Variants in KHDRBS3 observed in about 807,000 individuals in gnomAD.
KHDRBS3 encodes the protein KH domain-containing, RNA-binding, signal transduction-associated protein 3.
A neutral mutation model predicts 45.6 loss-of-function variants in KHDRBS3; 23 were observed. The ratio of observed to expected loss-of-function variants is 0.50; its 90% confidence interval spans 0.36 to 0.72. The LOEUF is 0.72. Among genes scored for constraint, KHDRBS3 ranks in the 30% least tolerant of loss-of-function variants. The probability of loss-of-function intolerance (pLI) is 0.00; values close to 1 mark genes in which losing one functional copy is unlikely to be tolerated. For synonymous variants in KHDRBS3, 162 were observed against 156.5 expected (o/e 1.04, Z -0.26); for missense variants, 352 against 424.8 (o/e 0.83, Z 1.51).
At chr8:135,526,799 T>A (rs1825211141) in intron 2 of KHDRBS3, among the ~76,000 whole-genome samples, 1 of 152,194 alleles carries the variant, frequency 6.6e-6, no homozygotes, top group African/African-American at 2.4e-5. Context: ...CAGGAATCAT[T>A]TAGTGTTCAG....
chr8:135,625,847 A>G, intron 7 of KHDRBS3: 2 of 769,008 alleles, frequency 2.6e-6, no homozygotes, highest in Non-Finnish European at 4.8e-6. Context: ...CCATAAACTG[A>G]CACTAGGCAG....
At chr8:135,541,768 A>C (rs1443723698) in intron 2 of KHDRBS3, 1 of 152,224 alleles carries the variant, frequency 6.6e-6, no homozygotes, top group Non-Finnish European at 1.5e-5. Flanking sequence ...AAGGCTTTTA[A>C]AAATTGTGTG....
intron 5 of KHDRBS3, among the ~76,000 whole-genome samples, chr8:135,579,340 T>C (rs925353045): frequency 6.6e-6 from 1 of 152,156 alleles, no homozygotes; most frequent in African/African-American, 2.4e-5. Flanking sequence ...GTACATGTTC[T>C]TTCTTTTCTT....
intron 6 of KHDRBS3, among the ~76,000 whole-genome samples, chr8:135,586,660 G>A (rs573895937): frequency 6.6e-6 from 1 of 152,238 alleles, no homozygotes; most frequent in African/African-American, 2.4e-5. Flanking sequence ...TCTGAAAAGG[G>A]CTTGTCATTT....
Position 135,534,894 on chromosome 8 carries a change from A to G in KHDRBS3, c.208-7760A>G, listed in dbSNP as rs1825657515. ...CAAGCCTATTCACGCTGAGGCTGCC[A>G]TGGTAAGTGGAAGCTTAAGATACTC... On this transcript the variant is annotated intron_variant, in intron 2 of 8. Transcript: ENST00000355849. Among the ~76,000 whole-genome samples, 5 of 152,186 alleles carry G rather than the reference A, an allele frequency of 3.3e-5. No individual in the cohort carries two copies. The South Asian group carries it at 1.0e-3, about 32-fold the overall frequency.
At chr8:135,495,815 A>T (rs1251561975) in intron 1 of KHDRBS3, among the ~76,000 whole-genome samples, 1 of 152,072 alleles carries the variant, frequency 6.6e-6, no homozygotes, top group Non-Finnish European at 1.5e-5. Context: ...AAGAGTGGAG[A>T]AGAGTTGTGT....
intron 7 of KHDRBS3, among the ~76,000 whole-genome samples, chr8:135,623,512 A>T (rs1830233346): frequency 6.6e-6 from 1 of 152,218 alleles, no homozygotes; most frequent in African/African-American, 2.4e-5. Context: ...AAACAAAGGG[A>T]AACTGTTGTT....
intron 1 of KHDRBS3, among the ~76,000 whole-genome samples, chr8:135,466,656 G>T (rs1402219720): frequency 1.3e-5 from 2 of 152,166 alleles, no homozygotes; most frequent in African/African-American, 4.8e-5. Context: ...GCAAATTTCT[G>T]CTTCCTCTTG....
intron 1 of KHDRBS3, among the ~76,000 whole-genome samples, chr8:135,465,805 C>T (rs1213457842): frequency 1.3e-5 from 2 of 152,086 alleles, no homozygotes; most frequent in East Asian, 3.9e-4. Context: ...AAAAGGTGCT[C>T]CTAGCATATT....
intron 5 of KHDRBS3, among the ~76,000 whole-genome samples, chr8:135,579,323 G>A (rs976711846): frequency 1.3e-5 from 2 of 152,186 alleles, no homozygotes; most frequent in South Asian, 4.2e-4. Flanking sequence ...TATGTTGCAG[G>A]TTTGCTGTAC....
chr8:135,535,752 T>C (rs1329822120), intron 2 of KHDRBS3, among the ~76,000 whole-genome samples: 2 of 152,166 alleles, frequency 1.3e-5, no homozygotes, highest in African/African-American at 4.8e-5. Flanking sequence ...CTGAGGAATG[T>C]ATAAAGCACA....
intron 5 of KHDRBS3, among the ~76,000 whole-genome samples, chr8:135,560,806 T>G (rs1222303510): frequency 1.3e-5 from 2 of 152,202 alleles, no homozygotes; most frequent in East Asian, 3.9e-4. Context: ...AGTTTCAGTT[T>G]GTGGTGGAGT....
chr8:135,649,213 A>G (rs1231570763), downstream of KHDRBS3, among the ~76,000 whole-genome samples: 1 of 152,170 alleles, frequency 6.6e-6, no homozygotes, highest in Non-Finnish European at 1.5e-5. Context: ...AGCATCAAAA[A>G]ATACTACTTA....
At chr8:135,497,836 T>C (rs1032131905) in intron 1 of KHDRBS3, among the ~76,000 whole-genome samples, 1 of 152,156 alleles carries the variant, frequency 6.6e-6, no homozygotes, top group Non-Finnish European at 1.5e-5. Context: ...CTATCTGAGG[T>C]CGTAAAAAGC....
chr8:135,554,222 C>T (rs1041164038), intron 4 of KHDRBS3, among the ~76,000 whole-genome samples: 9 of 152,144 alleles, frequency 5.9e-5, no homozygotes, highest in Non-Finnish European at 1.3e-4. Flanking sequence ...TTTTGTGATA[C>T]TGTTATAATC....
At chr8:135,569,727 C>T (rs1827609200) in intron 5 of KHDRBS3, among the ~76,000 whole-genome samples, 1 of 152,160 alleles carries the variant, frequency 6.6e-6, no homozygotes, top group South Asian at 2.1e-4. Flanking sequence ...CCACTGCCCA[C>T]AACAGGGCCT....
intron 7 of KHDRBS3, among the ~76,000 whole-genome samples, chr8:135,611,898 GGATA>G (rs1304110934): frequency 6.6e-6 from 1 of 151,780 alleles, no homozygotes; most frequent in African/African-American, 2.4e-5. Flanking sequence ...GAACTAGTTA[GGATA>G]GCAGATTTTC....
At chr8:135,516,570 TTGTGTGTG>T (rs56155377) in intron 1 of KHDRBS3, among the ~76,000 whole-genome samples, 2 of 149,032 alleles carry the variant, frequency 1.3e-5, no homozygotes, top group African/African-American at 2.5e-5. Context: ...GTTTCTTACA[TTGTGTGTG>T]TGTGTGTGTG....
chr8:135,633,048 C>CTCT (rs55880296), intron 7 of KHDRBS3, among the ~76,000 whole-genome samples: 130,998 of 151,976 alleles, frequency 0.86, 56,577 homozygotes, highest in East Asian at 1. Flanking sequence ...CTCTTAGCTG[C>CTCT]TCTAACTCTC....
Sources: gnomAD v4.1 joint callset for allele counts (sites outside exome capture counted in the v4.1 genomes callset) on GRCh38, gnomAD v4.1.1 for gene constraint, MANE v1.5 for transcripts, NCBI Gene and HGNC (gene_info 2026-07-23, HGNC 2026-07-21) for gene names.